AKAP9: variants seen among roughly 807,000 people sequenced by gnomAD.
AKAP9 encodes the protein A-kinase anchoring protein 9.
In AKAP9, 311 loss-of-function variants were observed where a neutral mutation model predicts 488.5. The ratio of observed to expected loss-of-function variants is 0.64; its 90% CI spans 0.58 to 0.70. The LOEUF is 0.70. AKAP9 is among the 30% of genes least tolerant of loss of function. The probability of loss-of-function intolerance (pLI) is 0.00; values close to 1 mark genes in which losing one functional copy is unlikely to be tolerated. For synonymous variants in AKAP9, 1,462 were observed against 1,483.5 expected (o/e 0.99, Z 0.33); for missense variants, 4,215 against 4,374.5 (o/e 0.96, Z 1.03).
chr7:92,012,166 T>C (rs1322330306), intron 8 of AKAP9, among the ~76,000 whole-genome samples: 1 of 152,176 alleles, frequency 6.6e-6, no homozygotes, highest in Non-Finnish European at 1.5e-5. Flanking sequence ...TTAAAATCTT[T>C]TAGAACAAAA....
chr7:91,994,723 G>T lies in AKAP9; in HGVS notation c.679G>T (p.Glu227Ter), dbSNP rs753387767. The part of the protein sequence containing the change: ...ARREKDETMR[E>*]FLELTEQSQK... Reference sequence around the variant, plus strand: ...AAGAGAAAAGGATGAGACAATGAGAGAATTTTTAGAGTTGACAGAACAGAG... The same window carrying T: ...AAGAGAAAAGGATGAGACAATGAGATAATTTTTAGAGTTGACAGAACAGAG... The change falls in exon 6 of 50, where the codon GAA becomes TAA. Residue 227 changes from glutamate to a stop codon, truncating the protein, a stop_gained. Coordinates refer to ENST00000356239, the MANE Select transcript of AKAP9 (RefSeq NM_005751.5). LOFTEE classifies it high-confidence loss of function. 1.2e-6 allele frequency: 2 copies of T among 1,613,078 alleles called. No individual in the cohort carries two copies. The highest frequency in any genetic ancestry group is 8.5e-7 in the Non-Finnish European group (1 of 1,179,550).
chr7:91,992,371 A>G (rs1348551194), intron 4 of AKAP9, among the ~76,000 whole-genome samples, 160 bp downstream of exon 4: 1 of 152,064 alleles, frequency 6.6e-6, no homozygotes, highest in East Asian at 1.9e-4. Flanking sequence ...TTATTATAAA[A>G]CTCAATTGTA....
rs1298504605 is a variant in AKAP9, at chr7:92,002,287, G to A, written c.2370G>A (p.Met790Ile). 14 of 1,611,876 alleles carry A rather than the reference G, an allele frequency of 8.7e-6. No individual in the cohort carries two copies. Among genetic ancestry groups the A allele is most frequent in the Non-Finnish European group, 1.1e-5 (13 of 1,179,068 alleles). The change falls in exon 8 of 50, where the codon ATG (methionine) becomes ATA (isoleucine). Residue 790 changes from methionine (M) to isoleucine (I), a missense_variant. Transcript: ENST00000356239. ...LKDEKKTLEDMLKIHTPVSQE... is the reference protein window; with the variant it reads ...LKDEKKTLEDILKIHTPVSQE... ...ATGAAAAGAAAACCCTTGAAGACAT[G>A]TTGAAAATACATACTCCTGTTAGCC...
chr7:91,970,696 T>C (rs1007614221), intron 1 of AKAP9, among the ~76,000 whole-genome samples: 4 of 152,218 alleles, frequency 2.6e-5, no homozygotes, highest in Non-Finnish European at 5.9e-5. Context: ...CTGTATGGTA[T>C]CTGTTGAGAA....
At chr7:92,020,758 A>G (rs1802206793) in intron 12 of AKAP9, among the ~76,000 whole-genome samples, 1 of 152,230 alleles carries the variant, frequency 6.6e-6, no homozygotes, top group Non-Finnish European at 1.5e-5. Context: ...TTGGACTGGA[A>G]ACTTAATAAT....
At position 91,941,119 on chromosome 7, in the gene AKAP9, A is replaced by C. The variant is rs183942717; in HGVS notation, c.20A>C (p.Gln7Pro). ...GAGGCCATGGAGGACGAGGAGAGAC[A>C]GAAGAAGCTGGAGGCCGGCAAAGCC... MEDEERQKKLEAGKAKL... is the reference protein window; with the variant it reads MEDEERPKKLEAGKAKL... The change falls in exon 1 of 50, where the codon CAG (glutamine) becomes CCG (proline). Residue 7 changes from glutamine to proline, a missense_variant. Around this residue, in one of 5 missense-constraint regions of AKAP9, gnomAD observed 2,361 missense variants for 2,430.0 expected, o/e 0.97. Transcript: ENST00000356239. The C allele has an allele frequency of 1.9e-6, 3 of 1,613,962 alleles. No individual in the cohort carries two copies. Among genetic ancestry groups the C allele is most frequent in the African/African-American group, 2.7e-5 (2 of 74,932 alleles).
At chr7:92,056,201 A>G (rs1808766040) in intron 22 of AKAP9, among the ~76,000 whole-genome samples, 1 of 151,848 alleles carries the variant, frequency 6.6e-6, no homozygotes, top group Admixed American at 6.6e-5. Flanking sequence ...TTATCTTTGT[A>G]GTTAGTTCTT....
In AKAP9 at chr7:92,102,448, T is replaced by TTACTACTAC. The variant is rs11276778; in HGVS notation, c.11098-112_11098-104dup. On this transcript the variant is annotated intron_variant, in intron 45 of 49. Coordinates refer to ENST00000356239, the MANE Select transcript of AKAP9 (RefSeq NM_005751.5). Reference sequence around the variant, plus strand: ...GTGATAGGAACCTGCCGTTTTACTATTACTACTACTACTACTACTACTACT... The same window carrying TTACTACTAC: ...GTGATAGGAACCTGCCGTTTTACTATTACTACTACTACTACTACTACTACTACTACTACT... The TTACTACTAC allele has an allele frequency of 0.063, 37,305 of 593,152 alleles. 682 individuals carry two copies. The highest frequency in any genetic ancestry group is 0.13 in the Admixed American group (4,519 of 34,452). The allele number at this position is 593,152 out of a possible 1,614,324, so 36.7% of individuals were successfully genotyped here.
At chr7:92,003,367 A>T (rs1799406501) in intron 8 of AKAP9, 132 bp downstream of exon 8, 2 of 699,040 alleles carry the variant, frequency 2.9e-6, no homozygotes, top group Non-Finnish European at 4.6e-6. Context: ...ATGTAATTTT[A>T]ACTTGAGCCT....
intron 35 of AKAP9, among the ~76,000 whole-genome samples, chr7:92,085,149 T>C (rs1435737036): frequency 6.6e-6 from 1 of 152,226 alleles, no homozygotes; most frequent in Admixed American, 6.5e-5. Context: ...TTTTTCTTAA[T>C]AATTCTTATT....
At chr7:92,090,440 T>C (rs1319720670) in intron 38 of AKAP9, 1 of 152,134 alleles carries the variant, frequency 6.6e-6, no homozygotes, top group African/African-American at 2.4e-5. Flanking sequence ...CTAGCCAAAA[T>C]GGTGAAACCC....
At chr7:92,087,936 A>G (rs1392610030) in intron 37 of AKAP9, among the ~76,000 whole-genome samples, 2 of 151,812 alleles carry the variant, frequency 1.3e-5, no homozygotes, top group East Asian at 3.8e-4. Context: ...ACAGCTAGTA[A>G]ATGTAGAAGG....
rs1818955936 is a variant in AKAP9, at chr7:92,109,010, C to T, written c.11686+377C>T. 2.1e-5 allele frequency: 7 copies of T among 339,538 alleles called. No homozygotes were observed. The Admixed American group carries it at 2.2e-4, about 10-fold the overall frequency. 21.0% of individuals were successfully genotyped at this position (339,538 alleles called of 1,614,324 possible). A position where few individuals can be genotyped will look rare whatever the true frequency, so the allele number is the denominator to read the frequency against. ...AGAAAGTGGTAAGGCCGTGCCGCAG[C>T]ACTCCAGCCTGGGCAGCAGAGCGAG... is the stretch of plus-strand genomic sequence containing the variant. On this transcript the variant is annotated intron_variant, in intron 49 of 49. Transcript: ENST00000356239.
In AKAP9 at chr7:92,097,161, G is replaced by T; in HGVS notation, c.10202G>T (p.Gly3401Val). The change falls in exon 41 of 50, where the codon GGA becomes GTA. Residue 3401 changes from glycine to valine, a missense_variant. Physicochemically the swap from Gly to Val is moderately radical, Grantham distance 109. Around this residue, in one of 5 missense-constraint regions of AKAP9, gnomAD observed 1,476 missense variants for 1,477.4 expected, o/e 1.00. Coordinates refer to ENST00000356239, the MANE Select transcript of AKAP9 (RefSeq NM_005751.5). ...ACAGAACAGGAGGCCAACACTGAGGGACAGAAAAAAATGCATGAGCTCCAG... is the reference window on the plus strand; with the variant it reads ...ACAGAACAGGAGGCCAACACTGAGGTACAGAAAAAAATGCATGAGCTCCAG... Reference protein sequence around the residue: ...LQTEQEANTEGQKKMHELQSK... With the variant: ...LQTEQEANTEVQKKMHELQSK... 6.2e-7 allele frequency: 1 copy of T among 1,613,820 alleles called. No individual in the cohort carries two copies. Among genetic ancestry groups the T allele is most frequent in the Non-Finnish European group, 8.5e-7 (1 of 1,179,920 alleles).
chr7:92,003,263 A>C, intron 8 of AKAP9, 28 bp downstream of exon 8: 2 of 1,503,626 alleles, frequency 1.3e-6, no homozygotes, highest in Non-Finnish European at 1.8e-6. Flanking sequence ...TATATGGTAA[A>C]GCACAATGAA....
chr7:92,069,941 A>C, intron 26 of AKAP9, 89 bp from the exon 27 acceptor site: 1 of 1,161,672 alleles, frequency 8.6e-7, no homozygotes, highest in Non-Finnish European at 1.2e-6. Context: ...TTTGGATTGT[A>C]GATATCCAAA....
In AKAP9 at chr7:92,101,036, T is replaced by C. The variant is rs747801242; in HGVS notation, c.11077T>C (p.Ser3693Pro). Residue 3693 changes from serine (S) to proline (P), a missense_variant, in exon 45 of 50, where the codon TCT (serine) becomes CCT (proline). Coordinates refer to ENST00000356239, the MANE Select transcript of AKAP9 (RefSeq NM_005751.5). ...DSLLQTLSPDSEHVTLKRIYG... is the reference protein window; with the variant it reads ...DSLLQTLSPDPEHVTLKRIYG... Reference sequence around the variant, plus strand: ...TTTACTTCAAACTCTGAGCCCTGATTCTGAACATGTCACTTTAAAGGTAGG... The same window carrying C: ...TTTACTTCAAACTCTGAGCCCTGATCCTGAACATGTCACTTTAAAGGTAGG... 2 of 1,613,760 alleles carry C rather than the reference T, an allele frequency of 1.2e-6. No homozygotes were observed. Among genetic ancestry groups the C allele is most frequent in the Non-Finnish European group, 1.7e-6 (2 of 1,179,988 alleles).
chr7:92,025,555 G>T (rs1584187546), intron 14 of AKAP9, among the ~76,000 whole-genome samples: 1 of 152,132 alleles, frequency 6.6e-6, no homozygotes, highest in South Asian at 2.1e-4. Context: ...AAATAGTTAA[G>T]AAAAATAATT....
chr7:92,068,151 G>A (rs1478774009), intron 26 of AKAP9, among the ~76,000 whole-genome samples: 2 of 151,662 alleles, frequency 1.3e-5, no homozygotes, highest in African/African-American at 4.8e-5. Flanking sequence ...ACGAGGTCAG[G>A]AGATCGTGAC....
Sources: allele counts gnomAD v4.1 joint callset (sites outside exome capture counted in the v4.1 genomes callset), GRCh38; gene constraint gnomAD v4.1.1; regional missense constraint gnomAD v4.1.1; transcripts MANE v1.5; gene names NCBI Gene and HGNC (gene_info 2026-07-23, HGNC 2026-07-21).